Variants in METTL15 observed in about 807,000 individuals in gnomAD.
METTL15 encodes the protein methyltransferase 15, mitochondrial 12S rRNA N4-cytidine.
In METTL15, 34 loss-of-function variants were observed where a neutral mutation model predicts 38.3. The ratio of observed to expected loss-of-function variants is 0.89; its 90% confidence interval spans 0.68 to 1.18. METTL15 has a LOEUF of 1.18. Among genes scored for constraint, METTL15 ranks in the 50% most tolerant of loss-of-function variants. The pLI is 0.00. For missense variants in METTL15, 438 were observed against 498.4 expected, an observed-to-expected ratio of 0.88 and a Z score of 1.15; for synonymous variants, 162 against 170.9, an observed-to-expected ratio of 0.95 and a Z score of 0.41.
intron 3 of METTL15, among the ~76,000 whole-genome samples, chr11:28,183,894 T>G (rs1851392226): frequency 6.6e-6 from 1 of 151,982 alleles, no homozygotes; most frequent in Admixed American, 6.6e-5. Flanking sequence ...GTTCTGGACT[T>G]TTTTGGTTGG....
chr11:28,435,658 C>T (rs1850975826), intron 6 of METTL15, among the ~76,000 whole-genome samples: 1 of 152,118 alleles, frequency 6.6e-6, no homozygotes, highest in South Asian at 2.1e-4. Context: ...TTTTTTCCTC[C>T]AGGCTGGCAA....
intron 6 of METTL15, among the ~76,000 whole-genome samples, chr11:28,322,031 AAAC>A (rs1178379761): frequency 8.5e-5 from 13 of 152,076 alleles, no homozygotes; most frequent in African/African-American, 3.1e-4. Context: ...ATATACTAAA[AAAC>A]AAATTTTGTG....
chr11:28,349,290 C>T (rs565261332), intron 3 of METTL15, among the ~76,000 whole-genome samples: 2 of 152,168 alleles, frequency 1.3e-5, no homozygotes, highest in South Asian at 4.1e-4. Flanking sequence ...TAGTGCTGGG[C>T]CACCACACCC....
intron 6 of METTL15, 28 bp downstream of exon 6, chr11:28,296,959 T>G: frequency 6.2e-7 from 1 of 1,611,712 alleles, no homozygotes. Context: ...CAACAGTGTC[T>G]AAGAGAAAAA....
chr11:28,246,419 T>G (rs887497220), intron 4 of METTL15, among the ~76,000 whole-genome samples: 8 of 152,116 alleles, frequency 5.3e-5, no homozygotes, highest in Non-Finnish European at 1.0e-4. Context: ...TAAATGGAAC[T>G]CTTAGATATT....
At chr11:28,247,459 A>G (rs1453386988) in intron 4 of METTL15, among the ~76,000 whole-genome samples, 1 of 152,110 alleles carries the variant, frequency 6.6e-6, no homozygotes, top group Non-Finnish European at 1.5e-5. Context: ...TTTGTTCATG[A>G]AAAGGAATCT....
chr11:28,415,168 A>G (rs1379986942), intron 5 of METTL15, among the ~76,000 whole-genome samples: 1 of 152,218 alleles, frequency 6.6e-6, no homozygotes, highest in Non-Finnish European at 1.5e-5. Context: ...GACTTTAAAT[A>G]GCAAGCAAGG....
intron 3 of METTL15, among the ~76,000 whole-genome samples, chr11:28,135,616 A>G (rs1253549895): frequency 2.0e-5 from 3 of 152,348 alleles, no homozygotes; most frequent in East Asian, 3.9e-4. Context: ...TTGGTGAAAC[A>G]ACCAGTTTCT....
intron 3 of METTL15, among the ~76,000 whole-genome samples, chr11:28,137,797 T>C (rs1462425019): frequency 5.6e-4 from 86 of 152,302 alleles, no homozygotes; most frequent in African/African-American, 2.0e-3. Context: ...TATTTTTTTT[T>C]TTTCAAAAAA....
intron 4 of METTL15, among the ~76,000 whole-genome samples, chr11:28,271,341 CTT>C (rs1427209634): frequency 2.0e-5 from 3 of 152,096 alleles, no homozygotes; most frequent in Non-Finnish European, 4.4e-5. Context: ...TGTCGTTGCT[CTT>C]TTTTAAGTTA....
intron 4 of METTL15, among the ~76,000 whole-genome samples, chr11:28,215,661 A>G (rs570613821): frequency 1.7e-4 from 26 of 150,916 alleles, no homozygotes; most frequent in Non-Finnish European, 2.4e-4. Flanking sequence ...AAAGAAAACT[A>G]TAATGTTTTT....
chr11:28,402,086 G>A (rs932630309), intron 5 of METTL15, among the ~76,000 whole-genome samples: 2 of 151,888 alleles, frequency 1.3e-5, no homozygotes, highest in Non-Finnish European at 2.9e-5. Context: ...TTCTAGATAG[G>A]TCAAAAACGT....
In METTL15 at chr11:28,174,935, TA is replaced by T. The variant is rs1238636793; in HGVS notation, c.271-36126del. Among the ~76,000 whole-genome samples the T allele has an allele frequency of 8.6e-5, 11 of 127,876 alleles. No homozygotes were observed. In the Admixed American group the frequency reaches 8.7e-4, roughly 10 times the overall value. 83.9% of individuals were successfully genotyped at this position (127,876 alleles called of 152,430 possible). A position where few individuals can be genotyped will look rare whatever the true frequency, so the allele number is the denominator to read the frequency against. On this transcript the variant is annotated intron_variant, in intron 3 of 6. Transcript: ENST00000407364. ...GAATTCTTTTTTTTTAAATTTACTT[TA>T]TTTTTATTTTATTATTATTTTTTAT...
At chr11:28,288,406 A>G (rs1856373716) in intron 4 of METTL15, among the ~76,000 whole-genome samples, 2 of 152,200 alleles carry the variant, frequency 1.3e-5, no homozygotes, top group South Asian at 2.1e-4. Flanking sequence ...AAAACATGGA[A>G]TCAACCTAAA....
chr11:28,230,144 T>C (rs1371686943), intron 4 of METTL15, among the ~76,000 whole-genome samples: 2 of 151,950 alleles, frequency 1.3e-5, no homozygotes, highest in African/African-American at 4.8e-5. Flanking sequence ...CATTGTTGAT[T>C]ATTTATTTAG....
intron 3 of METTL15, among the ~76,000 whole-genome samples, chr11:28,133,798 C>T (rs1184411005): frequency 6.6e-6 from 1 of 151,978 alleles, no homozygotes; most frequent in African/African-American, 2.4e-5. Context: ...TGAAAGAGAC[C>T]CCAAGTTAGA....
chr11:28,169,327 A>AT (rs1331537395), intron 3 of METTL15, among the ~76,000 whole-genome samples: 6 of 152,242 alleles, frequency 3.9e-5, no homozygotes, highest in African/African-American at 1.2e-4. Flanking sequence ...TTCTCCAGAT[A>AT]TTTTTTATCT....
chr11:28,370,804 T>G (rs1255188776), intron 5 of METTL15, among the ~76,000 whole-genome samples: 2 of 152,002 alleles, frequency 1.3e-5, no homozygotes, highest in Non-Finnish European at 1.5e-5. Flanking sequence ...TCTCTAATAG[T>G]GATGCTGAAC....
chr11:28,113,462 A>T lies in METTL15; in HGVS notation c.128A>T (p.Tyr43Phe), dbSNP rs1304813003. 1.2e-6 allele frequency: 2 copies of T among 1,612,030 alleles called. No homozygotes were observed. Among genetic ancestry groups the T allele is most frequent in the Non-Finnish European group, 1.7e-6 (2 of 1,179,722 alleles). The change falls in exon 3 of 7, where the codon TAT (tyrosine) becomes TTT (phenylalanine). Residue 43 changes from tyrosine to phenylalanine, a missense_variant. Transcript: ENST00000407364. ...ACTACAGCAGAAAAATATAGAGAAT[A>T]TGAAGCCCGGGAGCAAACAGATCAA... ...IHTTAEKYRE[Y>F]EAREQTDQTQ...
Sources: allele counts gnomAD v4.1 joint callset (sites outside exome capture counted in the v4.1 genomes callset), GRCh38; gene constraint gnomAD v4.1.1; transcripts MANE v1.5; gene names NCBI Gene and HGNC (gene_info 2026-07-23, HGNC 2026-07-21).